Variants in PRKACB observed in about 807,000 individuals in gnomAD.
PRKACB encodes protein kinase cAMP-activated catalytic subunit beta.
In PRKACB, 16 loss-of-function variants were observed where a neutral mutation model predicts 51.4. That is an observed-to-expected ratio of 0.31 (90% CI 0.21 to 0.47). The LOEUF (loss-of-function observed/expected upper bound fraction) is 0.47, where lower values mean the gene tolerates loss of function less well. Among genes scored for constraint, PRKACB ranks in the 20% least tolerant of loss-of-function variants. The pLI, the probability that PRKACB is intolerant of heterozygous loss-of-function variation, is 1.00. For synonymous variants in PRKACB, 147 were observed against 154.4 expected (o/e 0.95, Z 0.35); for missense variants, 309 against 464.5 (o/e 0.67, Z 3.08).
chr1:84,132,665 T>A (rs889176031), intron 1 of PRKACB, among the ~76,000 whole-genome samples: 1 of 151,936 alleles, frequency 6.6e-6, no homozygotes, highest in Non-Finnish European at 1.5e-5. Flanking sequence ...AGGAGATACA[T>A]AAAGCAGAGA....
chr1:84,162,796 C>T (rs1656379374), intron 1 of PRKACB, among the ~76,000 whole-genome samples: 1 of 151,892 alleles, frequency 6.6e-6, no homozygotes, highest in Non-Finnish European at 1.5e-5. Flanking sequence ...TACACCTGGG[C>T]CCATTCAGGG....
chr1:84,218,664 G>A (rs1673220414), intron 9 of PRKACB, among the ~76,000 whole-genome samples: 1 of 152,142 alleles, frequency 6.6e-6, no homozygotes, highest in Non-Finnish European at 1.5e-5. Context: ...TGGATTAATG[G>A]AATTGCTAAA....
At chr1:84,131,407 A>C (rs1652191950) in intron 1 of PRKACB, among the ~76,000 whole-genome samples, 1 of 152,052 alleles carries the variant, frequency 6.6e-6, no homozygotes, top group African/African-American at 2.4e-5. Flanking sequence ...TGAAATCTCT[A>C]GAACAACATC....
intron 1 of PRKACB, among the ~76,000 whole-genome samples, chr1:84,081,526 C>T (rs568646337): frequency 6.6e-5 from 10 of 152,130 alleles, no homozygotes; most frequent in South Asian, 2.1e-4. Flanking sequence ...AAAATTTGGG[C>T]GTAGTTATTT....
At chr1:84,204,371 A>G in intron 8 of PRKACB, 1 of 779,620 alleles carries the variant, frequency 1.3e-6, no homozygotes, top group East Asian at 2.6e-5. Context: ...AATACAGAAA[A>G]GCAGAATGCA....
In PRKACB at chr1:84,185,112, T is replaced by G; in HGVS notation, c.490T>G (p.Leu164Val). The G allele has an allele frequency of 1.3e-6, 2 of 1,488,608 alleles. No individual in the cohort carries two copies. The highest frequency in any genetic ancestry group is 1.8e-6 in the Non-Finnish European group (2 of 1,113,180). The allele number at this position is 1,488,608 out of a possible 1,614,324, so 92.2% of individuals were successfully genotyped here. The change falls in exon 5 of 10, where the codon TTA becomes GTA. Residue 164 changes from leucine to valine, a missense_variant. Around this residue, in one of 3 missense-constraint regions of PRKACB, gnomAD observed 153 missense variants for 190.2 expected, o/e 0.80. Transcript: ENST00000370685. Reference sequence around the variant, plus strand: ...TATTTGTTCATAGGATAATTCTAATTTATACATGGTTATGGAATATGTCCC... The same window carrying G: ...TATTTGTTCATAGGATAATTCTAATGTATACATGGTTATGGAATATGTCCC... ...LEYAFKDNSN[L>V]YMVMEYVPGG... is the part of the protein sequence containing the mutation.
chr1:84,233,426 C>T (rs1174402683), intron 9 of PRKACB, among the ~76,000 whole-genome samples: 4 of 135,858 alleles, frequency 2.9e-5, no homozygotes, highest in East Asian at 4.5e-4. Flanking sequence ...ATCTTTGTGG[C>T]GTTCTCTGTA....
In PRKACB at chr1:84,095,526, T is replaced by C. The variant is rs116181215; in HGVS notation, c.46+17155T>C. 1.5e-3 allele frequency among the ~76,000 whole-genome samples: 226 copies of C among 152,086 alleles called. 2 individuals carry two copies. The highest frequency in any genetic ancestry group is 5.1e-3 in the African/African-American group (213 of 41,568). ...AGCTGTTAGTCTCAGTGTTGCTTTATGAAGGTAGTATATCTTTTTTTTTCT... is the reference window on the plus strand; with the variant it reads ...AGCTGTTAGTCTCAGTGTTGCTTTACGAAGGTAGTATATCTTTTTTTTTCT... On this transcript the variant is annotated intron_variant, in intron 1 of 8. Coordinates refer to the PRKACB transcript ENST00000370688.
In PRKACB at chr1:84,101,948, A is replaced by T. The variant is rs1257529593; in HGVS notation, c.46+23577A>T. Among the ~76,000 whole-genome samples, 4 of 152,294 alleles carry T rather than the reference A, an allele frequency of 2.6e-5. No individual in the cohort carries two copies. In the South Asian group the frequency reaches 6.2e-4, roughly 24 times the overall value. ...CTGCCTGCAGTTATATTTTTATGAT[A>T]ATTATTTATTACTATCTCATGACTT... On this transcript the variant is annotated intron_variant, in intron 1 of 8. Coordinates refer to the PRKACB transcript ENST00000370688.
chr1:84,192,567 G>T (rs1667104730), intron 5 of PRKACB, among the ~76,000 whole-genome samples: 1 of 152,114 alleles, frequency 6.6e-6, no homozygotes, highest in Admixed American at 6.6e-5. Context: ...GTCTAGATTA[G>T]GATAAAGAAG....
intron 5 of PRKACB, among the ~76,000 whole-genome samples, chr1:84,188,105 C>G (rs1665704268): frequency 6.6e-6 from 1 of 151,790 alleles, no homozygotes; most frequent in Non-Finnish European, 1.5e-5. Flanking sequence ...AAAGCAAATG[C>G]TTTTATCTTT....
At chr1:84,161,879 A>G (rs776498868) in intron 1 of PRKACB, among the ~76,000 whole-genome samples, 4 of 151,964 alleles carry the variant, frequency 2.6e-5, no homozygotes, top group African/African-American at 4.8e-5. Context: ...GTGTATTTAT[A>G]TAGCCTTTTA....
intron 1 of PRKACB, among the ~76,000 whole-genome samples, chr1:84,109,356 T>TACTAG (rs1650031312): frequency 6.6e-6 from 1 of 152,002 alleles, no homozygotes; most frequent in Non-Finnish European, 1.5e-5. Flanking sequence ...ATGAGGGTTC[T>TACTAG]CATTATTTCA....
rs1400917252 is a variant in PRKACB at position 84,238,237 on chromosome 1, A to G, written c.*2932A>G. 1 of 152,432 alleles carries G rather than the reference A, an allele frequency of 6.6e-6. No individual in the cohort carries two copies. Among genetic ancestry groups the G allele is most frequent in the Non-Finnish European group, 1.5e-5 (1 of 67,966 alleles). The allele number at this position is 152,432 out of a possible 1,614,324, so 9.4% of individuals were successfully genotyped here. ...ACTGCCCATTGGCCTGAAAATACTC[A>G]TTGTAAGCCTGAAAAAAAAAATCTT... On this transcript the variant is annotated 3_prime_UTR_variant, in exon 10 of 10. Transcript: ENST00000370685.
intron 9 of PRKACB, among the ~76,000 whole-genome samples, chr1:84,234,635 C>T (rs547117346): frequency 2.6e-5 from 4 of 152,302 alleles, no homozygotes; most frequent in African/African-American, 4.8e-5. Context: ...TTTTTAAGCC[C>T]GTGGGAAAAG....
rs2100791203 is a variant in PRKACB, at chr1:84,096,344, G to A, written c.46+17973G>A. 3.3e-5 allele frequency among the ~76,000 whole-genome samples: 5 copies of A among 152,194 alleles called. 1 individual carries two copies. The South Asian group carries it at 1.0e-3, about 32-fold the overall frequency. ...TGCTTCTCACTATCTGTTCTTTAGT[G>A]TCATGCCTTAGGTATCTTAAACATC... On this transcript the variant is annotated intron_variant, in intron 1 of 8. Transcript: ENST00000370688.
At chr1:84,234,621 C>T (rs1159361008) in intron 9 of PRKACB, among the ~76,000 whole-genome samples, 2 of 152,160 alleles carry the variant, frequency 1.3e-5, no homozygotes, top group Admixed American at 6.5e-5. Flanking sequence ...TCCTGGTGCG[C>T]CGTTTTTTAA....
At chr1:84,196,225 A>C (rs1668204251) in intron 5 of PRKACB, among the ~76,000 whole-genome samples, 2 of 152,178 alleles carry the variant, frequency 1.3e-5, no homozygotes, top group South Asian at 4.1e-4. Flanking sequence ...ATTTGTGAGA[A>C]AAGTAGATGG....
chr1:84,105,373 C>T (rs370623871), intron 1 of PRKACB, among the ~76,000 whole-genome samples: 167 of 152,102 alleles, frequency 1.1e-3, no homozygotes, highest in African/African-American at 3.8e-3. Flanking sequence ...CGAGGCACCA[C>T]GACTTTTGAC....
Sources: allele counts gnomAD v4.1 joint callset (sites outside exome capture counted in the v4.1 genomes callset), GRCh38; gene constraint gnomAD v4.1.1; regional missense constraint gnomAD v4.1.1; transcripts MANE v1.5; gene names NCBI Gene and HGNC (gene_info 2026-07-23, HGNC 2026-07-21).